ANKRD13C: variants seen among roughly 807,000 people sequenced by gnomAD.
The protein encoded by ANKRD13C is ankyrin repeat domain 13C.
Under a neutral mutation model 65.5 loss-of-function variants are expected in ANKRD13C, and 16 were observed. The observed-to-expected ratio is 0.24, with a 90% CI of 0.17 to 0.37. The LOEUF (loss-of-function observed/expected upper bound fraction) is 0.37. ANKRD13C is among the 10% of genes least tolerant of loss of function. The pLI is 1.00. For synonymous variants in ANKRD13C, 235 were observed against 238.7 expected (o/e 0.98, Z 0.14); for missense variants, 503 against 655.9 (o/e 0.77, Z 2.55).
At chr1:70,301,722 C>A (rs1680363461) in intron 6 of ANKRD13C, among the ~76,000 whole-genome samples, 1 of 152,164 alleles carries the variant, frequency 6.6e-6, no homozygotes, top group African/African-American at 2.4e-5. Flanking sequence ...CATGGTCTAG[C>A]CTAATGCGCT....
At chr1:70,291,062 C>T (rs1411128835) in intron 9 of ANKRD13C, among the ~76,000 whole-genome samples, 2 of 150,590 alleles carry the variant, frequency 1.3e-5, no homozygotes, top group Non-Finnish European at 3.0e-5. Flanking sequence ...GACGGAGTTT[C>T]GCTCTTGTTG....
intron 12 of ANKRD13C, among the ~76,000 whole-genome samples, chr1:70,263,377 C>CA (rs1313094585): frequency 6.6e-6 from 1 of 152,158 alleles, no homozygotes; most frequent in African/African-American, 2.4e-5. Flanking sequence ...CATACCACCA[C>CA]AGCCTAATCT....
chr1:70,338,307 T>C (rs1682146941), intron 1 of ANKRD13C, among the ~76,000 whole-genome samples: 1 of 152,188 alleles, frequency 6.6e-6, no homozygotes, highest in South Asian at 2.1e-4. Context: ...CTCAAGTGAA[T>C]TTTCCGCATT....
chr1:70,314,823 T>G (rs1288007862), intron 4 of ANKRD13C, among the ~76,000 whole-genome samples: 1 of 151,532 alleles, frequency 6.6e-6, no homozygotes, highest in Admixed American at 6.6e-5. Flanking sequence ...CACAGTTCTT[T>G]CAGGCAGCAG....
Position 70,300,418 on chromosome 1 carries a change from C to A in ANKRD13C, c.921+346G>T, listed in dbSNP as rs144181758. ...ACCTAGCCAACATGGTGAAACCAAG[C>A]CTCTACTAAAAATACAAAAATTAGC... On this transcript the variant is annotated intron_variant, in intron 7 of 12. Coordinates refer to ENST00000370944, the MANE Select transcript of ANKRD13C (RefSeq NM_030816.5). Among the ~76,000 whole-genome samples, 277 of 151,980 alleles carry A rather than the reference C, an allele frequency of 1.8e-3. 3 individuals are homozygous for A. Among genetic ancestry groups the A allele is most frequent in the Admixed American group, 0.012 (182 of 15,250 alleles).
Position 70,284,924 on chromosome 1 carries a change from T to C in ANKRD13C, c.1215+7464A>G, listed in dbSNP as rs190650582. 4.6e-5 allele frequency among the ~76,000 whole-genome samples: 7 copies of C among 152,232 alleles called. No homozygotes were observed. In the East Asian group the frequency reaches 7.7e-4, roughly 17 times the overall value. On this transcript the variant is annotated intron_variant, in intron 9 of 12. Coordinates refer to ENST00000370944, the MANE Select transcript of ANKRD13C (RefSeq NM_030816.5). ...CCAGCTACGAAAGACATCCAATAAA[T>C]GTCATTTTTAACCTGCAGAAGCTGA...
intron 12 of ANKRD13C, among the ~76,000 whole-genome samples, chr1:70,269,774 T>A (rs1678796392): frequency 6.6e-6 from 1 of 152,152 alleles, no homozygotes; most frequent in Non-Finnish European, 1.5e-5. Context: ...AATGTTTATT[T>A]CCAAGTGTGC....
At chr1:70,324,073 A>G (rs1360395394) in intron 3 of ANKRD13C, among the ~76,000 whole-genome samples, 2 of 152,154 alleles carry the variant, frequency 1.3e-5, no homozygotes, top group African/African-American at 2.4e-5. Context: ...CGTAGCATCA[A>G]AATAAGACTG....
chr1:70,308,343 T>C (rs538964952), intron 5 of ANKRD13C, among the ~76,000 whole-genome samples: 1 of 151,982 alleles, frequency 6.6e-6, no homozygotes, highest in African/African-American at 2.4e-5. Flanking sequence ...AAAACAGAAT[T>C]TAATATCATA....
At chr1:70,309,732 A>AATAATAAT (rs1553248052) in intron 5 of ANKRD13C, among the ~76,000 whole-genome samples, 1 of 107,098 alleles carries the variant, frequency 9.3e-6, no homozygotes, top group African/African-American at 3.4e-5. Context: ...AAAAAAAAAA[A>AATAATAAT]AATAATAATA....
intron 6 of ANKRD13C, chr1:70,305,977 A>G (rs1284066952): frequency 4.7e-6 from 1 of 214,916 alleles, no homozygotes; most frequent in African/African-American, 2.3e-5. Context: ...AATAAGAATA[A>G]TATCTTTGCT....
At chr1:70,342,842 A>G (rs895192116) in intron 1 of ANKRD13C, among the ~76,000 whole-genome samples, 2 of 152,106 alleles carry the variant, frequency 1.3e-5, no homozygotes, top group Non-Finnish European at 2.9e-5. Flanking sequence ...AACTTTTAAC[A>G]ATGTATCCTT....
chr1:70,351,636 G>A (rs1166809642), intron 1 of ANKRD13C, among the ~76,000 whole-genome samples: 1 of 152,114 alleles, frequency 6.6e-6, no homozygotes, highest in African/African-American at 2.4e-5. Flanking sequence ...CTGACCTCAG[G>A]TAATCCACCC....
Position 70,313,790 on chromosome 1 carries a change from G to A in ANKRD13C, c.664C>T (p.Leu222=). ...TGAAGTTCTAGATAAAAGTCACCTAGCTGAAAAATGAAATATGAATAATTA... is the reference window on the plus strand; with the variant it reads ...TGAAGTTCTAGATAAAAGTCACCTAACTGAAAAATGAAATATGAATAATTA... ...RPRLLKALKE[L]GDFYLELHWD... is the part of the protein sequence containing the mutation. The change falls in exon 5 of 13, where the codon CTA becomes TTA. Residue 222 remains leucine, a splice_region_variant and synonymous_variant. Transcript: ENST00000370944. 6.2e-7 allele frequency: 1 copy of A among 1,607,036 alleles called. No individual in the cohort carries two copies.
chr1:70,265,762 T>C (rs1572011171), intron 12 of ANKRD13C, among the ~76,000 whole-genome samples: 1 of 139,360 alleles, frequency 7.2e-6, no homozygotes, highest in African/African-American at 2.7e-5. Context: ...TAAGCAGAAG[T>C]TGCAGTGAGC....
rs1678362146 is a variant in ANKRD13C at position 70,260,790 on chromosome 1, C to G, written c.*1927G>C. 6.6e-6 allele frequency: 1 copy of G among 152,050 alleles called. No homozygotes were observed. The highest frequency in any genetic ancestry group is 1.5e-5 in the Non-Finnish European group (1 of 67,962). The allele number at this position is 152,050 out of a possible 1,614,324, so 9.4% of individuals were successfully genotyped here. A position where few individuals can be genotyped will look rare whatever the true frequency, so the allele number is the denominator to read the frequency against. On this transcript the variant is annotated 3_prime_UTR_variant, in exon 13 of 13. Transcript: ENST00000370944. ...CAAAAATTTCCAGTAGTCTTCCTAC[C>G]TCCAGTGTACCCCAGCAAAATATTC...
At chr1:70,286,803 T>G (rs909970272) in intron 9 of ANKRD13C, among the ~76,000 whole-genome samples, 1 of 152,122 alleles carries the variant, frequency 6.6e-6, no homozygotes, top group Non-Finnish European at 1.5e-5. Flanking sequence ...CTGGCCAACA[T>G]GGCGAAACCC....
rs370678429 is a variant in ANKRD13C, at chr1:70,292,075, A to G, written c.1215+313T>C. 2.8e-4 allele frequency: 42 copies of G among 152,614 alleles called. No individual in the cohort carries two copies. The East Asian group carries it at 6.4e-3, about 23-fold the overall frequency. 9.5% of individuals were successfully genotyped at this position (152,614 alleles called of 1,614,324 possible). The stretch of plus-strand genomic sequence containing the variant: ...CAGAGGTTGCAGTGAGCCGAGATTG[A>G]GCCACTGCACTCCAGCCTGGGCAAC... On this transcript the variant is annotated intron_variant, in intron 9 of 12. Coordinates refer to ENST00000370944, the MANE Select transcript of ANKRD13C (RefSeq NM_030816.5).
chr1:70,312,184 T>C (rs557611184), intron 5 of ANKRD13C, among the ~76,000 whole-genome samples: 1 of 152,350 alleles, frequency 6.6e-6, no homozygotes, highest in South Asian at 2.1e-4. Flanking sequence ...TTTACTGCTA[T>C]ATGGTATATT....
Sources: gnomAD v4.1 joint callset for allele counts (sites outside exome capture counted in the v4.1 genomes callset) on GRCh38, gnomAD v4.1.1 for gene constraint, MANE v1.5 for transcripts, NCBI Gene and HGNC (gene_info 2026-07-23, HGNC 2026-07-21) for gene names.